NLRP1: variants seen among roughly 807,000 people sequenced by gnomAD.
NLRP1 encodes NLR family pyrin domain containing 1.
A neutral mutation model predicts 136.7 loss-of-function variants in NLRP1; 94 were observed. The observed-to-expected ratio is 0.69, with a 90% confidence interval of 0.58 to 0.82. The LOEUF (loss-of-function observed/expected upper bound fraction) is 0.82, where lower values mean the gene tolerates loss of function less well. Among genes scored for constraint, NLRP1 ranks in the 40% least tolerant of loss-of-function variants. NLRP1 has a pLI of 0.00. For missense variants in NLRP1, 1,575 were observed against 1,802.7 expected (o/e 0.87, Z 2.29); for synonymous variants, 690 against 725.1 (o/e 0.95, Z 0.78).
chr17:5,508,543 G>T (rs568758083), intron 15 of NLRP1, among the ~76,000 whole-genome samples: 1 of 152,270 alleles, frequency 6.6e-6, no homozygotes, highest in South Asian at 2.1e-4. Context: ...GTGATCTAAA[G>T]GATAACGAAA....
intron 3 of NLRP1, among the ~76,000 whole-genome samples, chr17:5,563,077 C>A (rs1326523914): frequency 6.6e-6 from 1 of 152,118 alleles, no homozygotes; most frequent in Non-Finnish European, 1.5e-5. Context: ...CAATCAAACC[C>A]CCAAGGGCTT....
Position 5,582,686 on chromosome 17 carries a change from A to G in NLRP1, c.432T>C (p.Ser144=). ...RRVLRQLPDT[S]GRRWREISAS... ...AAGCCTCACCTCTCCAGCGGCGTCC[A>G]GATGTGTCAGGCAGCTGTCTCAAAA... Residue 144 remains serine (S), a synonymous_variant, in exon 2 of 17, where the codon TCT becomes TCC. Transcript: ENST00000572272. 6.2e-7 allele frequency: 1 copy of G among 1,614,128 alleles called. No individual in the cohort carries two copies. Among genetic ancestry groups the G allele is most frequent in the Non-Finnish European group, 8.5e-7 (1 of 1,180,020 alleles).
intron 3 of NLRP1, among the ~76,000 whole-genome samples, chr17:5,565,185 G>T (rs1337595641): frequency 6.6e-6 from 1 of 152,186 alleles, no homozygotes; most frequent in Non-Finnish European, 1.5e-5. Context: ...AGCCATTTTA[G>T]CTGGGGTGAG....
chr17:5,562,400 C>T (rs1215953585), intron 3 of NLRP1, among the ~76,000 whole-genome samples: 1 of 152,234 alleles, frequency 6.6e-6, no homozygotes, highest in Non-Finnish European at 1.5e-5. Flanking sequence ...GCAGGGCGGA[C>T]CCAGCAAGGA....
intron 12 of NLRP1, among the ~76,000 whole-genome samples, chr17:5,523,341 C>A (rs1472353588): frequency 6.6e-6 from 1 of 151,988 alleles, no homozygotes; most frequent in Admixed American, 6.6e-5. Flanking sequence ...AAAAAGAGCC[C>A]AGTGGCTCCT....
Position 5,521,680 on chromosome 17 carries a change from G to A in NLRP1, c.3627C>T (p.Asn1209=), listed in dbSNP as rs371498600. The A allele has an allele frequency of 6.8e-6, 11 of 1,613,782 alleles. No individual in the cohort carries two copies. The Admixed American group carries it at 8.3e-5, about 12-fold the overall frequency. Residue 1209 remains asparagine (N), a synonymous_variant, in exon 13 of 17, where the codon AAC becomes AAT. Transcript: ENST00000572272. ...GGACTCCCAAGGGGGAGAAGCTGGG[G>A]TTTTCCAGAACTATGTGATGCAGCT... The part of the protein sequence containing the change: ...RVELHHIVLE[N]PSFSPLGVLL...
chr17:5,527,012 GCAATGAA>G (rs1909638657), intron 12 of NLRP1, among the ~76,000 whole-genome samples: 1 of 152,230 alleles, frequency 6.6e-6, no homozygotes. Flanking sequence ...CGTTTCCAGG[GCAATGAA>G]CAGCTGCAGC....
At chr17:5,539,014 G>C (rs1275596262) in intron 7 of NLRP1, among the ~76,000 whole-genome samples, 1 of 152,070 alleles carries the variant, frequency 6.6e-6, no homozygotes, top group Non-Finnish European at 1.5e-5. Context: ...GGGATTACAG[G>C]TGCACACCAC....
At chr17:5,551,134 G>A (rs896383557) in intron 5 of NLRP1, among the ~76,000 whole-genome samples, 2 of 152,026 alleles carry the variant, frequency 1.3e-5, no homozygotes, top group East Asian at 3.9e-4. Context: ...ATGTATGAAC[G>A]ATTACAGTAT....
intron 5 of NLRP1, among the ~76,000 whole-genome samples, chr17:5,549,221 G>A (rs911779454): frequency 6.6e-6 from 1 of 150,572 alleles, no homozygotes; most frequent in East Asian, 1.9e-4. Flanking sequence ...GTGTATAGCA[G>A]CACAACTAAT....
intron 15 of NLRP1, chr17:5,502,023 A>G: frequency 1.5e-6 from 1 of 658,274 alleles, no homozygotes; most frequent in Non-Finnish European, 2.8e-6. Flanking sequence ...CCCGGGGTGA[A>G]CCAAGGCCAG....
Position 5,514,875 on chromosome 17 carries a change from T to C in NLRP1, c.4301A>G (p.Gln1434Arg). The change falls in exon 17 of 17, where the codon CAG becomes CGG. Residue 1434 changes from glutamine to arginine, a missense_variant. Coordinates refer to ENST00000572272, the MANE Select transcript of NLRP1 (RefSeq NM_033004.4). ...SQMRKLFSLS[Q>R]SWDRKCKDGL... Reference sequence around the variant, plus strand: ...ATCTTTGCACTTCCGGTCCCAGGACTGGCTCAAGCTGAACAGCTTCCGCAT... The same window carrying C: ...ATCTTTGCACTTCCGGTCCCAGGACCGGCTCAAGCTGAACAGCTTCCGCAT... 6.2e-7 allele frequency: 1 copy of C among 1,614,176 alleles called. No homozygotes were observed. Among genetic ancestry groups the C allele is most frequent in the Non-Finnish European group, 8.5e-7 (1 of 1,180,034 alleles).
At position 5,558,962 on chromosome 17, in the gene NLRP1, G is replaced by A. The variant is rs755975283; in HGVS notation, c.1734C>T (p.Gly578=). ...LRDLCSLAAE[G]IWQKKTLFSP... ...TGAAAAGGGTCTTTTTTTGCCAGAT[G>A]CCCTCAGCAGCCAGAGAGCAGAGGT... Residue 578 remains glycine (G), a synonymous_variant, in exon 4 of 17, where the codon GGC becomes GGT. Transcript: ENST00000572272. 3.7e-6 allele frequency: 6 copies of A among 1,613,902 alleles called. No homozygotes were observed. The East Asian group carries it at 6.7e-5, about 18-fold the overall frequency.
At chr17:5,570,213 C>G (rs993375982) in intron 3 of NLRP1, among the ~76,000 whole-genome samples, 2 of 151,830 alleles carry the variant, frequency 1.3e-5, no homozygotes, top group Non-Finnish European at 1.5e-5. Context: ...AAAACAAGAG[C>G]AAGATCAATC....
At chr17:5,577,410 C>T (rs1037827990) in intron 3 of NLRP1, among the ~76,000 whole-genome samples, 4 of 152,198 alleles carry the variant, frequency 2.6e-5, no homozygotes, top group Non-Finnish European at 4.4e-5. Context: ...GCAACTTCAG[C>T]GAAGTCTCAG....
chr17:5,515,433 C>T (rs762102987), intron 16 of NLRP1, 40 bp downstream of exon 16: 4 of 1,548,460 alleles, frequency 2.6e-6, no homozygotes, highest in Middle Eastern at 3.4e-4. Context: ...TACCCCAGAA[C>T]TGCCACCGCC....
At chr17:5,513,718 G>A (rs79995597), downstream of NLRP1, among the ~76,000 whole-genome samples, 1,667 of 152,228 alleles carry the variant, frequency 0.011, 127 homozygotes, top group South Asian at 0.17. Flanking sequence ...GATTAAGGAC[G>A]AGTATGTAAT....
intron 3 of NLRP1, among the ~76,000 whole-genome samples, chr17:5,580,218 G>A (rs999212392): frequency 2.5e-4 from 38 of 152,016 alleles, no homozygotes; most frequent in African/African-American, 8.5e-4. Flanking sequence ...CTGGGTGACC[G>A]AGCAAGACTC....
In NLRP1 at chr17:5,583,284, T is replaced by C. The variant is rs745369606; in HGVS notation, c.271+403A>G. On this transcript the variant is annotated intron_variant, in intron 1 of 16. Transcript: ENST00000572272. The surrounding 1 kb of genome is among the most constrained non-coding windows in gnomAD (Gnocchi z 4.5). ...AATGTTTAACCTGGATGATCTCTTT[T>C]AACCCTCACACAGCCCAGGGAGGCG... 2.0e-5 allele frequency among the ~76,000 whole-genome samples: 3 copies of C among 152,170 alleles called. No individual in the cohort carries two copies. The highest frequency in any genetic ancestry group is 4.4e-5 in the Non-Finnish European group (3 of 68,020).
Sources: gnomAD v4.1 joint callset for allele counts (sites outside exome capture counted in the v4.1 genomes callset) on GRCh38, gnomAD v4.1.1 for gene constraint, Gnocchi (gnomAD v3.1) non-coding constraint, MANE v1.5 for transcripts, NCBI Gene and HGNC (gene_info 2026-07-23, HGNC 2026-07-21) for gene names.